Variants in AP3B1 observed in about 807,000 individuals in gnomAD.
The protein encoded by AP3B1 is AP-3 complex subunit beta-1.
Under a neutral mutation model 132.5 loss-of-function variants are expected in AP3B1, and 61 were observed. That is an observed-to-expected ratio of 0.46 (90% CI 0.37 to 0.57). The LOEUF (loss-of-function observed/expected upper bound fraction) is 0.57, where lower values mean the gene tolerates loss of function less well. AP3B1 is among the 20% of genes least tolerant of loss of function. AP3B1 has a pLI of 0.00. For missense variants in AP3B1, 1,120 were observed against 1,289.4 expected (o/e 0.87, Z 2.01); for synonymous variants, 388 against 438.3 (o/e 0.89, Z 1.43).
chr5:78,141,193 G>A lies in AP3B1; in HGVS notation c.1600C>T (p.Leu534=). The A allele has an allele frequency of 6.2e-7, 1 of 1,613,810 alleles. No individual in the cohort carries two copies. Among genetic ancestry groups the A allele is most frequent in the African/African-American group, 1.3e-5 (1 of 75,026 alleles). ...TTTGCTCCCAGATTTAATATCTGCAGTTTTACCAGATCATCTTCACTAGTG... is the reference window on the plus strand; with the variant it reads ...TTTGCTCCCAGATTTAATATCTGCAATTTTACCAGATCATCTTCACTAGTG... ...SFTSEDDLVK[L]QILNLGAKLY... is the part of the protein sequence containing the mutation. The change falls in exon 15 of 27, where the codon CTG becomes TTG. Residue 534 remains leucine (L), a synonymous_variant. Transcript: ENST00000255194.
chr5:78,281,262 C>G (rs10069779), intron 1 of AP3B1, among the ~76,000 whole-genome samples: 34,164 of 151,800 alleles, frequency 0.23, 4,488 homozygotes, highest in Middle Eastern at 0.31. Context: ...TGGCAAAACC[C>G]TATCTCTACT....
chr5:78,097,222 T>C lies in AP3B1; in HGVS notation c.2470+3731A>G, dbSNP rs1255962696. The stretch of plus-strand genomic sequence containing the variant: ...CCCCTCTGCCCGGCCAGCCACCCCG[T>C]CCGGGAGGGAGGTGGGGGGGTCAGC... On this transcript the variant is annotated intron_variant, in intron 21 of 26. Transcript: ENST00000255194. 6.0e-4 allele frequency among the ~76,000 whole-genome samples: 62 copies of C among 103,278 alleles called. 5 individuals are homozygous for C. Among genetic ancestry groups the C allele is most frequent in the African/African-American group, 2.4e-3 (59 of 24,412 alleles). 67.8% of individuals were successfully genotyped at this position (103,278 alleles called of 152,430 possible). A position where few individuals can be genotyped will look rare whatever the true frequency, so the allele number is the denominator to read the frequency against.
chr5:78,169,820 A>G (rs1314923436), intron 11 of AP3B1, among the ~76,000 whole-genome samples: 1 of 152,012 alleles, frequency 6.6e-6, no homozygotes, highest in Non-Finnish European at 1.5e-5. Flanking sequence ...GGTTTGATAC[A>G]TAGGTATACA....
intron 2 of AP3B1, among the ~76,000 whole-genome samples, chr5:78,245,889 A>G (rs1747359036): frequency 1.3e-5 from 2 of 152,224 alleles, no homozygotes; most frequent in African/African-American, 2.4e-5. Flanking sequence ...AAAAAGCTGC[A>G]GTACCAGCGA....
At chr5:78,022,075 G>A (rs576012898) in intron 24 of AP3B1, among the ~76,000 whole-genome samples, 1 of 152,174 alleles carries the variant, frequency 6.6e-6, no homozygotes, top group East Asian at 1.9e-4. Context: ...ACATAAAATC[G>A]ACTTTTATTT....
intron 20 of AP3B1, among the ~76,000 whole-genome samples, chr5:78,106,856 C>T (rs1751360951): frequency 7.2e-5 from 11 of 152,078 alleles, no homozygotes; most frequent in Admixed American, 7.2e-4. Context: ...TAGAGCATGT[C>T]TTTTGATTGT....
At chr5:78,278,721 G>A (rs1006257787) in intron 1 of AP3B1, among the ~76,000 whole-genome samples, 6 of 151,702 alleles carry the variant, frequency 4.0e-5, no homozygotes, top group African/African-American at 1.5e-4. Context: ...CCCATCTGTG[G>A]CTTGTTAGAA....
chr5:78,192,920 T>C lies in AP3B1; in HGVS notation c.787-11258A>G, dbSNP rs187109868. Among the ~76,000 whole-genome samples, 15 of 152,288 alleles carry C rather than the reference T, an allele frequency of 9.8e-5. No individual in the cohort carries two copies. In the East Asian group the frequency reaches 2.9e-3, roughly 29 times the overall value. ...AGTCTCCAGAACTGTGAGAAATAAA[T>C]GTTTGTTGTTTAACTCATCCAATCT... On this transcript the variant is annotated intron_variant, in intron 7 of 26. Transcript: ENST00000255194.
intron 20 of AP3B1, among the ~76,000 whole-genome samples, chr5:78,104,980 AGTTTT>A (rs1751277225): frequency 1.3e-5 from 2 of 152,314 alleles, no homozygotes; most frequent in Admixed American, 1.3e-4. Flanking sequence ...CCTTAATCTT[AGTTTT>A]AATTCAAATA....
intron 17 of AP3B1, among the ~76,000 whole-genome samples, chr5:78,124,119 G>T (rs1752358369): frequency 6.6e-6 from 1 of 152,132 alleles, no homozygotes; most frequent in African/African-American, 2.4e-5. Context: ...AACACCACAT[G>T]TTCTCACTCA....
At chr5:78,019,499 G>A (rs1747001820) in intron 25 of AP3B1, among the ~76,000 whole-genome samples, 1 of 152,080 alleles carries the variant, frequency 6.6e-6, no homozygotes, top group African/African-American at 2.4e-5. Flanking sequence ...AAGCAGAGAG[G>A]CAGGCTTTAG....
chr5:78,096,583 C>T (rs1281278545), intron 21 of AP3B1, among the ~76,000 whole-genome samples: 8 of 150,396 alleles, frequency 5.3e-5, no homozygotes, highest in South Asian at 2.1e-4. Context: ...TCTGCCCGGC[C>T]GCCCATCGTC....
At chr5:78,098,457 C>T (rs1377208754) in intron 21 of AP3B1, among the ~76,000 whole-genome samples, 2 of 151,968 alleles carry the variant, frequency 1.3e-5, no homozygotes, top group African/African-American at 2.4e-5. Flanking sequence ...GTAATTAGTA[C>T]ACTCTAGTAC....
At chr5:78,127,606 C>CA (rs1287176808) in intron 17 of AP3B1, among the ~76,000 whole-genome samples, 1 of 152,036 alleles carries the variant, frequency 6.6e-6, no homozygotes, top group African/African-American at 2.4e-5. Flanking sequence ...AATGGTTCAT[C>CA]AAAAAATCTA....
At chr5:78,265,725 C>T (rs1184414595) in intron 2 of AP3B1, among the ~76,000 whole-genome samples, 2 of 152,186 alleles carry the variant, frequency 1.3e-5, no homozygotes, top group Admixed American at 6.5e-5. Context: ...AAATCACTTT[C>T]ATCATTTATG....
At chr5:78,211,384 C>T (rs987106131) in intron 7 of AP3B1, among the ~76,000 whole-genome samples, 2 of 152,254 alleles carry the variant, frequency 1.3e-5, no homozygotes, top group Admixed American at 1.3e-4. Flanking sequence ...TTCCTCAAAT[C>T]ATACATTTAC....
At chr5:78,177,224 C>T (rs567506838) in intron 9 of AP3B1, 115 bp downstream of exon 9, 14 of 702,768 alleles carry the variant, frequency 2.0e-5, no homozygotes, top group East Asian at 5.5e-5. Context: ...TCTTACTGAT[C>T]GATTGATTAA....
intron 22 of AP3B1, among the ~76,000 whole-genome samples, chr5:78,052,290 G>T (rs252797): frequency 0.86 from 131,430 of 152,026 alleles, 57,509 homozygotes; most frequent in African/African-American, 0.94. Context: ...GTGGAAATAC[G>T]TGAACACATA....
At chr5:78,173,570 C>G (rs1744016275) in intron 11 of AP3B1, among the ~76,000 whole-genome samples, 1 of 151,892 alleles carries the variant, frequency 6.6e-6, no homozygotes, top group Non-Finnish European at 1.5e-5. Flanking sequence ...GATTGCAACT[C>G]CTGCTTTTTT....
Sources: allele counts gnomAD v4.1 joint callset (sites outside exome capture counted in the v4.1 genomes callset), GRCh38; gene constraint gnomAD v4.1.1; transcripts MANE v1.5; gene names NCBI Gene and HGNC (gene_info 2026-07-23, HGNC 2026-07-21).